The following RNF38 variants were observed in gnomAD, a reference collection of about 807,000 sequenced individuals.
RNF38 encodes the protein ring finger protein 38.
Under a neutral mutation model 67.2 loss-of-function variants are expected in RNF38, and 15 were observed. The ratio of observed to expected loss-of-function variants is 0.22; its 90% CI spans 0.15 to 0.34. RNF38 has a LOEUF of 0.34. RNF38 is among the 10% of genes least tolerant of loss of function. The pLI, the probability that RNF38 is intolerant of heterozygous loss-of-function variation, is 1.00. For synonymous variants in RNF38, 220 were observed against 218.8 expected (o/e 1.01, Z -0.05); for missense variants, 524 against 639.9 (o/e 0.82, Z 1.95).
chr9:36,390,369 A>G (rs1227179803), intron 2 of RNF38, 98 bp downstream of exon 2: 1 of 1,008,832 alleles, frequency 9.9e-7, no homozygotes, highest in African/African-American at 1.6e-5. Flanking sequence ...AACAGAAAAC[A>G]AGGAGACGAT....
At chr9:36,342,184 T>TCTC (rs10625223) in intron 11 of RNF38, 141 bp downstream of exon 11, 627,682 of 632,866 alleles carry the variant, frequency 0.99, 311,394 homozygotes, top group East Asian at 1. Context: ...ACTGGCCTTT[T>TCTC]CTCATTTGCA....
At chr9:36,376,316 G>A (rs1423032054) in intron 2 of RNF38, among the ~76,000 whole-genome samples, 189 bp from the exon 3 acceptor site, 2 of 152,170 alleles carry the variant, frequency 1.3e-5, no homozygotes, top group African/African-American at 4.8e-5. Context: ...AGGGGAGGGA[G>A]ATGCACAGTA....
intron 1 of RNF38, among the ~76,000 whole-genome samples, chr9:36,460,221 A>G (rs973048834): frequency 6.6e-6 from 1 of 152,186 alleles, no homozygotes; most frequent in African/African-American, 2.4e-5. Context: ...AAGAGCAATA[A>G]ATATACTAGA....
exon 1 of RNF38, chr9:36,487,420 CGGT>C (rs1840444719): frequency 6.1e-6 from 6 of 981,138 alleles, no homozygotes; most frequent in Non-Finnish European, 7.2e-6. Flanking sequence ...GGGGCGGCGG[CGGT>C]GGGGGGCGCG....
At chr9:36,376,626 T>G (rs1835805090) in intron 2 of RNF38, among the ~76,000 whole-genome samples, 1 of 152,090 alleles carries the variant, frequency 6.6e-6, no homozygotes, top group Admixed American at 6.6e-5. Flanking sequence ...TTTATTTTTT[T>G]TAAAGAGAGT....
At chr9:36,395,196 CAATTT>C (rs1014580340) in intron 1 of RNF38, among the ~76,000 whole-genome samples, 2 of 152,188 alleles carry the variant, frequency 1.3e-5, no homozygotes, top group African/African-American at 4.8e-5. Context: ...ACATAACCAA[CAATTT>C]AACTTTTCTT....
intron 2 of RNF38, among the ~76,000 whole-genome samples, chr9:36,419,529 G>C (rs1035216282): frequency 6.6e-6 from 1 of 152,210 alleles, no homozygotes; most frequent in Non-Finnish European, 1.5e-5. Context: ...CACCTCAACT[G>C]AGAGAATAGT....
chr9:36,384,263 T>C (rs954366547), intron 2 of RNF38, among the ~76,000 whole-genome samples: 3 of 151,574 alleles, frequency 2.0e-5, no homozygotes, highest in African/African-American at 4.9e-5. Flanking sequence ...CCAGTGAAAA[T>C]AGGAAAGATA....
intron 1 of RNF38, among the ~76,000 whole-genome samples, chr9:36,469,813 T>C (rs566406856): frequency 6.6e-6 from 1 of 152,046 alleles, no homozygotes; most frequent in South Asian, 2.1e-4. Context: ...CCGTCTCTAC[T>C]ACAAAATACA....
rs1051429349 is a variant in RNF38, at chr9:36,400,175, A to C, written c.-67T>G. 2 of 1,595,998 alleles carry C rather than the reference A, an allele frequency of 1.3e-6. No individual in the cohort carries two copies. Among genetic ancestry groups the C allele is most frequent in the East Asian group, 4.5e-5 (2 of 44,608 alleles). ...AACCTGAAACACTCCCGTTTCAAAA[A>C]CCAACCTCTCTCACGCTTCAACCCT... On this transcript the variant is annotated 5_prime_UTR_variant, in exon 1 of 12. Coordinates refer to ENST00000259605, the MANE Select transcript of RNF38 (RefSeq NM_022781.5).
chr9:36,396,682 G>A (rs1303627966), intron 1 of RNF38, among the ~76,000 whole-genome samples: 3 of 152,036 alleles, frequency 2.0e-5, no homozygotes, highest in Admixed American at 6.6e-5. Context: ...GATGGGCACA[G>A]GGATCTTTGG....
chr9:36,466,297 G>A (rs983925342), intron 1 of RNF38, among the ~76,000 whole-genome samples: 3 of 152,144 alleles, frequency 2.0e-5, no homozygotes, highest in African/African-American at 7.2e-5. Flanking sequence ...TTTCTTTTCA[G>A]GGAGATGAAA....
upstream of RNF38, chr9:36,400,843 C>G: frequency 1.0e-6 from 1 of 984,746 alleles, no homozygotes; most frequent in East Asian, 1.1e-4. Flanking sequence ...CCCAACCGAC[C>G]GGGCCTCGGC....
At chr9:36,432,737 G>A (rs1381443515) in intron 1 of RNF38, among the ~76,000 whole-genome samples, 1 of 152,006 alleles carries the variant, frequency 6.6e-6, no homozygotes, top group Non-Finnish European at 1.5e-5. Flanking sequence ...AGGCTGCAGT[G>A]AGCCGAGATC....
At chr9:36,378,301 C>T (rs560429994) in intron 2 of RNF38, among the ~76,000 whole-genome samples, 9 of 151,846 alleles carry the variant, frequency 5.9e-5, no homozygotes, top group Non-Finnish European at 7.4e-5. Flanking sequence ...CTCAGCCACC[C>T]GAGTAGGTGG....
chr9:36,389,137 A>AT (rs1836874122), intron 2 of RNF38, among the ~76,000 whole-genome samples: 1 of 152,154 alleles, frequency 6.6e-6, no homozygotes, highest in Non-Finnish European at 1.5e-5. Flanking sequence ...TTCAAGGAAA[A>AT]TAAGGCTTAA....
intron 1 of RNF38, among the ~76,000 whole-genome samples, chr9:36,487,153 G>A (rs534057730): frequency 6.6e-6 from 1 of 152,226 alleles, no homozygotes; most frequent in Admixed American, 6.5e-5. Context: ...CGGCTGAGGC[G>A]CAGGGCTCGC....
chr9:36,342,215 G>GTTT, intron 11 of RNF38, 110 bp downstream of exon 11: 1 of 758,436 alleles, frequency 1.3e-6, no homozygotes. Context: ...TGAAAGCTGT[G>GTTT]TTTCCATTTT....
At chr9:36,367,503 G>C (rs1835068460) in intron 4 of RNF38, among the ~76,000 whole-genome samples, 1 of 151,818 alleles carries the variant, frequency 6.6e-6, no homozygotes, top group Admixed American at 6.6e-5. Flanking sequence ...TGCAGGACGG[G>C]TTCAATATTA....
Sources: gnomAD v4.1 joint callset for allele counts (sites outside exome capture counted in the v4.1 genomes callset) on GRCh38, gnomAD v4.1.1 for gene constraint, MANE v1.5 for transcripts, NCBI Gene and HGNC (gene_info 2026-07-23, HGNC 2026-07-21) for gene names.